The following ATP9B variants were observed in gnomAD, a reference collection of about 807,000 sequenced individuals.
The protein encoded by ATP9B is ATPase phospholipid transporting 9B, also known as probable phospholipid-transporting ATPase IIB.
A neutral mutation model predicts 146.1 loss-of-function variants in ATP9B; 110 were observed. The observed-to-expected ratio is 0.75, with a 90% confidence interval of 0.65 to 0.88. The LOEUF is 0.88. Among genes scored for constraint, ATP9B ranks in the 40% least tolerant of loss-of-function variants. The probability of loss-of-function intolerance (pLI) is 0.00; values close to 1 mark genes in which losing one functional copy is unlikely to be tolerated. For missense variants in ATP9B, 1,499 were observed against 1,496.4 expected, an observed-to-expected ratio of 1.00 and a Z score of -0.03; for synonymous variants, 604 against 569.7, an observed-to-expected ratio of 1.06 and a Z score of -0.86.
intron 13 of ATP9B, among the ~76,000 whole-genome samples, chr18:79,283,152 C>T (rs990689865): frequency 2.6e-5 from 4 of 152,196 alleles, no homozygotes; most frequent in African/African-American, 9.7e-5. Context: ...TAATTCTGCT[C>T]TTTTGCTCTG....
intron 1 of ATP9B, among the ~76,000 whole-genome samples, chr18:79,086,735 T>G (rs1422711094): frequency 6.6e-6 from 1 of 152,196 alleles, no homozygotes; most frequent in African/African-American, 2.4e-5. Context: ...TTCAAGAAAT[T>G]GGTGTTCAGT....
At chr18:79,123,681 A>G (rs1488413343) in intron 4 of ATP9B, among the ~76,000 whole-genome samples, 1 of 152,212 alleles carries the variant, frequency 6.6e-6, no homozygotes, top group African/African-American at 2.4e-5. Context: ...ACTTATTACA[A>G]ACTGCATGAT....
At chr18:79,326,810 G>A (rs575135063) in intron 15 of ATP9B, among the ~76,000 whole-genome samples, 13 of 152,330 alleles carry the variant, frequency 8.5e-5, no homozygotes, top group Admixed American at 4.6e-4. Context: ...TGTCTGGAGG[G>A]CTCCTGTGAG....
intron 11 of ATP9B, among the ~76,000 whole-genome samples, chr18:79,240,845 G>A (rs1423970654): frequency 2.0e-5 from 3 of 152,200 alleles, no homozygotes; most frequent in African/African-American, 7.2e-5. Flanking sequence ...TGGGAACCTT[G>A]GCATTTGGCA....
At position 79,237,534 on chromosome 18, in the gene ATP9B, A is replaced by C. The variant is rs548743933; in HGVS notation, c.1108-15847A>C. ...AGGGATTGCATTTAAATGTCTATAG[A>C]TCTTCAGAGATAATTAATTTTTATA... On this transcript the variant is annotated intron_variant, in intron 11 of 29. Coordinates refer to ENST00000426216, the MANE Select transcript of ATP9B (RefSeq NM_198531.5). 2.6e-5 allele frequency among the ~76,000 whole-genome samples: 4 copies of C among 152,364 alleles called. No individual in the cohort carries two copies. In the South Asian group the frequency reaches 8.3e-4, roughly 32 times the overall value.
intron 15 of ATP9B, among the ~76,000 whole-genome samples, chr18:79,320,947 A>G (rs919790105): frequency 6.6e-6 from 1 of 152,212 alleles, no homozygotes; most frequent in African/African-American, 2.4e-5. Context: ...ACTTTAGGAA[A>G]GTGTGTATAT....
At chr18:79,176,035 A>G (rs1442658043) in intron 7 of ATP9B, among the ~76,000 whole-genome samples, 2 of 152,104 alleles carry the variant, frequency 1.3e-5, no homozygotes, top group Admixed American at 6.5e-5. Context: ...TCTATATCCT[A>G]GAGATCTTTC....
At chr18:79,221,179 C>G (rs1164746710) in intron 11 of ATP9B, among the ~76,000 whole-genome samples, 1 of 152,184 alleles carries the variant, frequency 6.6e-6, no homozygotes, top group Non-Finnish European at 1.5e-5. Flanking sequence ...TAACCATGTG[C>G]AAGTCCCAGT....
At chr18:79,181,003 G>A (rs368318503) in intron 8 of ATP9B, among the ~76,000 whole-genome samples, 36 of 151,572 alleles carry the variant, frequency 2.4e-4, no homozygotes, top group African/African-American at 8.7e-4. Flanking sequence ...TGGAGACGGG[G>A]TTTCACCATG....
intron 7 of ATP9B, among the ~76,000 whole-genome samples, chr18:79,162,334 T>C (rs2094895771): frequency 6.6e-6 from 1 of 152,246 alleles, no homozygotes; most frequent in Non-Finnish European, 1.5e-5. Flanking sequence ...ATGAAGCTGC[T>C]GATGGATCTG....
chr18:79,098,238 G>A (rs928209160), intron 2 of ATP9B, among the ~76,000 whole-genome samples: 1 of 151,876 alleles, frequency 6.6e-6, no homozygotes, highest in African/African-American at 2.4e-5. Flanking sequence ...AATTCAAGAT[G>A]GATTAAAGAT....
intron 11 of ATP9B, among the ~76,000 whole-genome samples, chr18:79,220,217 G>A (rs1359908353): frequency 6.6e-6 from 1 of 152,194 alleles, no homozygotes; most frequent in African/African-American, 2.4e-5. Flanking sequence ...ATGAAAATGA[G>A]TTGTTGAAGT....
chr18:79,292,083 T>A (rs1466167355), intron 13 of ATP9B, among the ~76,000 whole-genome samples: 1 of 152,262 alleles, frequency 6.6e-6, no homozygotes, highest in East Asian at 1.9e-4. Context: ...TTCTGTTTAT[T>A]GCCAAATAAT....
In ATP9B at chr18:79,083,414, C is replaced by T. The variant is rs139640429; in HGVS notation, c.120-13062C>T. 9.3e-3 allele frequency among the ~76,000 whole-genome samples: 1,412 copies of T among 152,186 alleles called. 21 individuals carry two copies. The highest frequency in any genetic ancestry group is 0.012 in the Non-Finnish European group (823 of 68,002). On this transcript the variant is annotated intron_variant, in intron 1 of 29. Coordinates refer to ENST00000426216, the MANE Select transcript of ATP9B (RefSeq NM_198531.5). ...TCAGCCCCCTTTCCAGAAGAGTGAA[C>T]GGTTCTGTCTTGTTGGCATTCCAGG...
chr18:79,219,345 TGAG>T (rs1158029934), intron 11 of ATP9B, among the ~76,000 whole-genome samples: 1 of 151,432 alleles, frequency 6.6e-6, no homozygotes, highest in Non-Finnish European at 1.5e-5. Context: ...GCAGTGCTGA[TGAG>T]AAGTGGACTG....
At chr18:79,327,547 C>CAT (rs2096757829) in intron 15 of ATP9B, among the ~76,000 whole-genome samples, 1 of 126,236 alleles carries the variant, frequency 7.9e-6, no homozygotes, top group Admixed American at 7.9e-5. Flanking sequence ...GCGTGCTCTC[C>CAT]GTGGTTAGCG....
intron 21 of ATP9B, 139 bp from the exon 22 acceptor site, chr18:79,345,289 T>C (rs2096880252): frequency 6.9e-6 from 7 of 1,009,702 alleles, no homozygotes; most frequent in Non-Finnish European, 8.8e-6. Context: ...TCCTGTGAAA[T>C]GATTCACAGA....
chr18:79,142,889 G>A (rs1022033930), intron 5 of ATP9B, among the ~76,000 whole-genome samples: 4 of 152,226 alleles, frequency 2.6e-5, no homozygotes, highest in African/African-American at 4.8e-5. Context: ...CTAAAAGTCA[G>A]TGTAACGAGT....
At chr18:79,274,951 G>A (rs1004049268) in intron 12 of ATP9B, among the ~76,000 whole-genome samples, 3 of 152,162 alleles carry the variant, frequency 2.0e-5, no homozygotes, top group Non-Finnish European at 4.4e-5. Flanking sequence ...GAGGAGCAGC[G>A]CCCAGAAGAG....
Sources: gnomAD v4.1 joint callset for allele counts (sites outside exome capture counted in the v4.1 genomes callset) on GRCh38, gnomAD v4.1.1 for gene constraint, MANE v1.5 for transcripts, NCBI Gene and HGNC (gene_info 2026-07-23, HGNC 2026-07-21) for gene names.